PLA2G12B: variants seen among roughly 807,000 people sequenced by gnomAD.
PLA2G12B encodes the protein phospholipase A2 group XIIB, also known as group XIIB secretory phospholipase A2-like protein.
In PLA2G12B, 19 loss-of-function variants were observed where a neutral mutation model predicts 22.3. The ratio of observed to expected loss-of-function variants is 0.85; its 90% CI spans 0.60 to 1.25. The LOEUF (loss-of-function observed/expected upper bound fraction) is 1.25. PLA2G12B is among the 50% of genes most tolerant of loss of function. PLA2G12B has a pLI of 0.00. For missense variants in PLA2G12B, 191 were observed against 246.6 expected (o/e 0.77, Z 1.51); for synonymous variants, 81 against 94.9 (o/e 0.85, Z 0.85).
chr10:72,943,195 A>G (rs1362153660), intron 1 of PLA2G12B, among the ~76,000 whole-genome samples: 1 of 152,086 alleles, frequency 6.6e-6, no homozygotes, highest in Non-Finnish European at 1.5e-5. Context: ...CGAACTCCTG[A>G]CCTCAAGTGA....
intron 1 of PLA2G12B, among the ~76,000 whole-genome samples, chr10:72,952,300 C>T (rs140723523): frequency 6.6e-6 from 1 of 152,306 alleles, no homozygotes; most frequent in Admixed American, 6.5e-5. Context: ...GGAGACCAGC[C>T]TGGGCAAGAT....
At chr10:72,936,363 G>T (rs1301383875) in intron 3 of PLA2G12B, among the ~76,000 whole-genome samples, 1 of 152,134 alleles carries the variant, frequency 6.6e-6, no homozygotes, top group South Asian at 2.1e-4. Context: ...TGCAGCAAGG[G>T]TTATTAGGAG....
chr10:72,939,328 T>G (rs756116612), intron 3 of PLA2G12B, among the ~76,000 whole-genome samples: 14 of 152,354 alleles, frequency 9.2e-5, no homozygotes, highest in Non-Finnish European at 1.6e-4. Flanking sequence ...CCAAGGAGTT[T>G]GATTCACCAG....
chr10:72,945,602 G>A (rs1466213662), intron 1 of PLA2G12B, among the ~76,000 whole-genome samples: 3 of 151,796 alleles, frequency 2.0e-5, no homozygotes, highest in Non-Finnish European at 2.9e-5. Flanking sequence ...GCTGAGTTTC[G>A]AGGTACCTTT....
At chr10:72,953,023 A>G (rs1430195510) in intron 1 of PLA2G12B, among the ~76,000 whole-genome samples, 2 of 152,158 alleles carry the variant, frequency 1.3e-5, no homozygotes, top group East Asian at 3.8e-4. Flanking sequence ...GTTGATTCCA[A>G]TGTCTGAAGT....
In PLA2G12B at chr10:72,937,595, A is replaced by C. The variant is rs1350310892; in HGVS notation, c.467-1857T>G. ...AAACCAAAGACATCACAAAAATAAC[A>C]ATCTATAGACTAGTATCTCTTATGA... is the stretch of plus-strand genomic sequence containing the variant. On this transcript the variant is annotated intron_variant, in intron 3 of 3. Coordinates refer to ENST00000373032, the MANE Select transcript of PLA2G12B (RefSeq NM_032562.5). Among the ~76,000 whole-genome samples the C allele has an allele frequency of 2.0e-5, 3 of 152,338 alleles. No individual in the cohort carries two copies. In the South Asian group the frequency reaches 6.2e-4, roughly 32 times the overall value.
At chr10:72,943,516 A>G (rs918973265) in intron 1 of PLA2G12B, among the ~76,000 whole-genome samples, 1 of 152,240 alleles carries the variant, frequency 6.6e-6, no homozygotes, top group Non-Finnish European at 1.5e-5. Context: ...ATTATTGAGT[A>G]AAGAGCAAAG....
At chr10:72,951,501 A>G (rs1486509462) in intron 1 of PLA2G12B, among the ~76,000 whole-genome samples, 1 of 123,524 alleles carries the variant, frequency 8.1e-6, no homozygotes, top group Non-Finnish European at 1.6e-5. Context: ...TCTGTTGCCC[A>G]GGCTGCAGTG....
intron 1 of PLA2G12B, among the ~76,000 whole-genome samples, chr10:72,948,612 A>C (rs1846479639): frequency 6.6e-6 from 1 of 152,244 alleles, no homozygotes; most frequent in Non-Finnish European, 1.5e-5. Context: ...AGAGGCCGAC[A>C]ACTTGATCCT....
In PLA2G12B at chr10:72,942,658, T is replaced by G. The variant is rs756515531; in HGVS notation, c.294A>C (p.Pro98=). The change falls in exon 2 of 4, where the codon CCA becomes CCC. Residue 98 remains proline, a synonymous_variant. Transcript: ENST00000373032. Reference sequence around the variant, plus strand: ...TAATGCTGGCAGTACATACACTTTCTGGTACCTTGAGACCCAGGAAATAGG... The same window carrying G: ...TAATGCTGGCAGTACATACACTTTCGGGTACCTTGAGACCCAGGAAATAGG... ...CGSYFLGLKV[P]ESMDLGIPAM... 1.5e-5 allele frequency: 24 copies of G among 1,603,020 alleles called. No individual in the cohort carries two copies. The Admixed American group carries it at 3.2e-4, about 22-fold the overall frequency.
rs750385375 is a variant in PLA2G12B at position 72,934,896 on chromosome 10, C to A, written c.*721G>T. Among the ~76,000 whole-genome samples, 15 of 152,196 alleles carry A rather than the reference C, an allele frequency of 9.9e-5. No homozygotes were observed. Among genetic ancestry groups the A allele is most frequent in the Non-Finnish European group, 2.1e-4 (14 of 68,026 alleles). On this transcript the variant is annotated 3_prime_UTR_variant, in exon 4 of 4. Coordinates refer to ENST00000373032, the MANE Select transcript of PLA2G12B (RefSeq NM_032562.5). ...CTCCATCAGTAACTCTTAGCAAGTA[C>A]ATCTCAGATCTTAGCATGACTCTAA...
At chr10:72,941,095 G>T (rs1317081321) in intron 3 of PLA2G12B, 74 bp downstream of exon 3, 3 of 1,434,996 alleles carry the variant, frequency 2.1e-6, no homozygotes, top group Admixed American at 1.9e-5. Context: ...CGAGTCAAGG[G>T]GTTCTGGCTA....
Position 72,935,429 on chromosome 10 carries a change from A to T in PLA2G12B, c.*188T>A. The T allele has an allele frequency of 1.2e-6, 1 of 807,874 alleles. No homozygotes were observed. The highest frequency in any genetic ancestry group is 1.9e-6 in the Non-Finnish European group (1 of 526,388). The allele number at this position is 807,874 out of a possible 1,614,324, so 50.0% of individuals were successfully genotyped here. ...TGAAGAGTAGCTTTCAAACCACTCC[A>T]TGTCTTTTTTCAAATTTCCTCAAAG... is the stretch of plus-strand genomic sequence containing the variant. On this transcript the variant is annotated 3_prime_UTR_variant, in exon 4 of 4. Transcript: ENST00000373032.
At position 72,954,531 on chromosome 10, in the gene PLA2G12B, G is replaced by T. The variant is rs375299089; in HGVS notation, c.155C>A (p.Ser52Tyr). The change falls in exon 1 of 4, where the codon TCT becomes TAT. Residue 52 changes from serine to tyrosine, a missense_variant. Coordinates refer to ENST00000373032, the MANE Select transcript of PLA2G12B (RefSeq NM_032562.5). The stretch of plus-strand genomic sequence containing the variant: ...CTTCCCTCCCAGCAGCTCCAGAAAA[G>T]AATCGAAGTAGCTATTGACGGATTC... The part of the protein sequence containing the change: ...SFESVNSYFD[S>Y]FLELLGGKNG... The T allele has an allele frequency of 2.5e-6, 4 of 1,614,098 alleles. No homozygotes were observed. In the South Asian group the frequency reaches 3.3e-5, roughly 13 times the overall value.
intron 1 of PLA2G12B, among the ~76,000 whole-genome samples, chr10:72,951,418 C>T (rs905364064): frequency 6.8e-6 from 1 of 147,896 alleles, no homozygotes; most frequent in East Asian, 2.0e-4. Flanking sequence ...GGAAGCGATT[C>T]TCAAGGAAAT....
intron 2 of PLA2G12B, 38 bp from the exon 3 acceptor site, chr10:72,941,372 A>G: frequency 1.9e-6 from 3 of 1,591,764 alleles, no homozygotes; most frequent in Non-Finnish European, 2.6e-6. Flanking sequence ...AAGGGGAAGA[A>G]ATGCCACGTT....
At position 72,935,435 on chromosome 10, in the gene PLA2G12B, T is replaced by G; in HGVS notation, c.*182A>C. On this transcript the variant is annotated 3_prime_UTR_variant, in exon 4 of 4. Transcript: ENST00000373032. ...GTAGCTTTCAAACCACTCCATGTCT[T>G]TTTTCAAATTTCCTCAAAGGATAGG... 1 of 888,548 alleles carries G rather than the reference T, an allele frequency of 1.1e-6. No individual in the cohort carries two copies. Among genetic ancestry groups the G allele is most frequent in the Non-Finnish European group, 1.7e-6 (1 of 598,296 alleles). The allele number at this position is 888,548 out of a possible 1,614,324, so 55.0% of individuals were successfully genotyped here.
At position 72,954,702 on chromosome 10, in the gene PLA2G12B, T is replaced by A. The variant is rs1034503046; in HGVS notation, c.-17A>T. On this transcript the variant is annotated 5_prime_UTR_variant, in exon 1 of 4. Transcript: ENST00000373032. ...CAGCTTCATCCTGCAGCCAGGTAGG[T>A]ACTGGCTTCTCTCCTCAAACCCCAG... 3.1e-6 allele frequency: 5 copies of A among 1,612,596 alleles called. No individual in the cohort carries two copies. Among genetic ancestry groups the A allele is most frequent in the Non-Finnish European group, 4.2e-6 (5 of 1,179,448 alleles).
chr10:72,940,478 A>AGTCG (rs1846342003), intron 3 of PLA2G12B, among the ~76,000 whole-genome samples: 1 of 103,102 alleles, frequency 9.7e-6, no homozygotes, highest in African/African-American at 1.5e-4. Flanking sequence ...TGGGAGGCTG[A>AGTCG]GGCGGGCAAC....
Sources: gnomAD v4.1 joint callset for allele counts (sites outside exome capture counted in the v4.1 genomes callset) on GRCh38, gnomAD v4.1.1 for gene constraint, MANE v1.5 for transcripts, NCBI Gene and HGNC (gene_info 2026-07-23, HGNC 2026-07-21) for gene names.